The following DLC1 variants were observed in gnomAD, a reference collection of about 807,000 sequenced individuals.
DLC1 encodes the protein DLC1 Rho GTPase activating protein.
A neutral mutation model predicts 140.3 loss-of-function variants in DLC1; 54 were observed. The ratio of observed to expected loss-of-function variants is 0.38; its 90% CI spans 0.31 to 0.48. The LOEUF is 0.48. DLC1 is among the 20% of genes least tolerant of loss of function. DLC1 has a pLI of 0.96. For missense variants in DLC1, 2,536 were observed against 1,907.0 expected, an observed-to-expected ratio of 1.33 and a Z score of -6.14; for synonymous variants, 986 against 728.1, an observed-to-expected ratio of 1.35 and a Z score of -5.70.
At chr8:13,270,914 C>T (rs1388425663) in intron 5 of DLC1, among the ~76,000 whole-genome samples, 1 of 152,044 alleles carries the variant, frequency 6.6e-6, no homozygotes, top group Non-Finnish European at 1.5e-5. Flanking sequence ...TCATTTAATC[C>T]TTAAAACCAT....
At chr8:13,540,513 T>A (rs1039009772) in intron 1 of DLC1, among the ~76,000 whole-genome samples, 12 of 152,200 alleles carry the variant, frequency 7.9e-5, no homozygotes, top group African/African-American at 2.9e-4. Flanking sequence ...TTCCAGTTCA[T>A]GAACTGAATA....
chr8:13,496,786 C>CTTTTTT (rs869192950), intron 2 of DLC1, among the ~76,000 whole-genome samples: 6 of 23,508 alleles, frequency 2.6e-4, no homozygotes, highest in African/African-American at 7.2e-4. Context: ...AGACCATTTC[C>CTTTTTT]TTTTTTTTTT....
At position 13,088,503 on chromosome 8, in the gene DLC1, C is replaced by T. The variant is rs780573272; in HGVS notation, c.4276G>A (p.Asp1426Asn). The T allele has an allele frequency of 6.2e-7, 1 of 1,614,224 alleles. No individual in the cohort carries two copies. Among genetic ancestry groups the T allele is most frequent in the Non-Finnish European group, 8.5e-7 (1 of 1,180,042 alleles). The change falls in exon 16 of 18, where the codon GAC becomes AAC. Residue 1426 changes from aspartate to asparagine, a missense_variant. By Grantham distance (23) the Asp-to-Asn change is conservative. Coordinates refer to ENST00000276297, the MANE Select transcript of DLC1 (RefSeq NM_182643.3). ...QNSMAPHPAR[D>N]YVVLRTWRTN... ...AGCGCTCACCTTAAAACAACGTAGT[C>T]TCGAGCAGGATGAGGTGCCATACTG...
chr8:13,186,691 T>C (rs762078018), intron 5 of DLC1, among the ~76,000 whole-genome samples: 3 of 152,246 alleles, frequency 2.0e-5, no homozygotes, highest in Non-Finnish European at 4.4e-5. Context: ...TTTGTTCCGT[T>C]GCTGGCAAGG....
intron 5 of DLC1, among the ~76,000 whole-genome samples, chr8:13,155,152 G>A (rs1394814120): frequency 3.4e-5 from 5 of 147,578 alleles, no homozygotes; most frequent in African/African-American, 7.5e-5. Flanking sequence ...TTTTTAAAGC[G>A]AATGTCTCCA....
chr8:13,536,896 T>C (rs1803303468), intron 1 of DLC1, among the ~76,000 whole-genome samples: 1 of 152,234 alleles, frequency 6.6e-6, no homozygotes, highest in Non-Finnish European at 1.5e-5. Context: ...TCCAGTAATC[T>C]GTTCCAAAAT....
chr8:13,441,389 T>C (rs1263382165), intron 2 of DLC1, among the ~76,000 whole-genome samples: 1 of 152,110 alleles, frequency 6.6e-6, no homozygotes, highest in African/African-American at 2.4e-5. Context: ...AAATAAAGGG[T>C]ATTCAATTAG....
intron 5 of DLC1, among the ~76,000 whole-genome samples, chr8:13,215,509 C>A (rs1828153293): frequency 6.6e-6 from 1 of 152,066 alleles, no homozygotes; most frequent in African/African-American, 2.4e-5. Context: ...TCACTTGAGC[C>A]CAGAAGGCAG....
chr8:13,112,608 G>T (rs1038414570), intron 6 of DLC1, among the ~76,000 whole-genome samples: 1 of 152,224 alleles, frequency 6.6e-6, no homozygotes, highest in South Asian at 2.1e-4. Flanking sequence ...AATGGAAATA[G>T]AAAGACTTAT....
intron 1 of DLC1, among the ~76,000 whole-genome samples, chr8:13,504,820 C>G (rs555859458): frequency 6.6e-6 from 1 of 151,666 alleles, no homozygotes; most frequent in South Asian, 2.1e-4. Context: ...GATAGCTAAC[C>G]CCAAATTAAA....
chr8:13,183,082 T>A (rs1306569270), intron 5 of DLC1, among the ~76,000 whole-genome samples: 2 of 152,206 alleles, frequency 1.3e-5, no homozygotes, highest in African/African-American at 2.4e-5. Flanking sequence ...TTTGTAGCAA[T>A]TGTGAATGAG....
At chr8:13,405,830 T>TTCCC (rs565643095) in intron 2 of DLC1, among the ~76,000 whole-genome samples, 1 of 151,608 alleles carries the variant, frequency 6.6e-6, no homozygotes, top group African/African-American at 2.4e-5. Flanking sequence ...CCTTTCTTCC[T>TTCCC]TCCCTCCCTC....
At chr8:13,424,442 T>C (rs1200233562) in intron 2 of DLC1, among the ~76,000 whole-genome samples, 1 of 151,966 alleles carries the variant, frequency 6.6e-6, no homozygotes, top group African/African-American at 2.4e-5. Context: ...TGAGCAGAGA[T>C]CACGCCACTT....
chr8:13,313,926 A>T (rs1268121926), intron 4 of DLC1, among the ~76,000 whole-genome samples: 1 of 152,096 alleles, frequency 6.6e-6, no homozygotes, highest in Non-Finnish European at 1.5e-5. Context: ...CCTTTTAGGT[A>T]AGCCAGTGAT....
intron 5 of DLC1, among the ~76,000 whole-genome samples, chr8:13,243,652 T>C (rs753653652): frequency 1.3e-5 from 2 of 152,216 alleles, no homozygotes; most frequent in Non-Finnish European, 2.9e-5. Context: ...TTTGTCACTG[T>C]TGTACTAAAA....
intron 8 of DLC1, 41 bp from the exon 9 acceptor site, chr8:13,100,811 C>T (rs750067044): frequency 1.4e-5 from 21 of 1,519,264 alleles, no homozygotes; most frequent in Non-Finnish European, 1.8e-5. Context: ...CTGGGGCTGG[C>T]AGCCAGCAGG....
chr8:13,142,892 A>T (rs1371883065), intron 5 of DLC1, among the ~76,000 whole-genome samples: 4 of 152,174 alleles, frequency 2.6e-5, no homozygotes, highest in Non-Finnish European at 5.9e-5. Flanking sequence ...TGTACTAAAA[A>T]TACAAAATTA....
intron 2 of DLC1, among the ~76,000 whole-genome samples, chr8:13,488,160 C>G (rs1336524666): frequency 6.6e-6 from 1 of 152,170 alleles, no homozygotes; most frequent in Non-Finnish European, 1.5e-5. Flanking sequence ...CTGTTCAAAA[C>G]TATATAAAAC....
At chr8:13,332,991 G>A (rs73564608) in intron 4 of DLC1, among the ~76,000 whole-genome samples, 11,299 of 151,788 alleles carry the variant, frequency 0.074, 493 homozygotes, top group South Asian at 0.094. Flanking sequence ...GCAGAGAAAT[G>A]GACTAAATTA....
Sources: allele counts gnomAD v4.1 joint callset (sites outside exome capture counted in the v4.1 genomes callset), GRCh38; gene constraint gnomAD v4.1.1; transcripts MANE v1.5; gene names NCBI Gene and HGNC (gene_info 2026-07-23, HGNC 2026-07-21).